NBDY: variants seen among roughly 807,000 people sequenced by gnomAD.
The protein encoded by NBDY is P-body dissociating protein.
intron 2 of NBDY, among the ~76,000 whole-genome samples, chrX:56,784,911 C>T (rs192742180): frequency 1.8e-5 from 2 of 112,578 alleles, no homozygotes; most frequent in African/African-American, 6.5e-5. Flanking sequence ...CTACCCATGC[C>T]GCTCAGTGCC....
chrX:56,784,390 T>C (rs184424939), intron 2 of NBDY, among the ~76,000 whole-genome samples: 2 of 111,753 alleles, frequency 1.8e-5, no homozygotes, highest in African/African-American at 6.5e-5. Context: ...TCTCTCTCTC[T>C]GGAGCCCAGG....
intron 2 of NBDY, among the ~76,000 whole-genome samples, chrX:56,767,323 T>A (rs1289493962): frequency 8.8e-6 from 1 of 113,170 alleles, no homozygotes; most frequent in African/African-American, 3.2e-5. Context: ...GAGGTGAAAG[T>A]CTGATGGCAG....
intron 2 of NBDY, among the ~76,000 whole-genome samples, chrX:56,762,800 T>C (rs1054401116): frequency 2.7e-5 from 3 of 110,268 alleles, no homozygotes; most frequent in African/African-American, 9.9e-5. Flanking sequence ...CCACAAACCA[T>C]AGACACAGAT....
chrX:56,754,301 G>A (rs765807816), intron 2 of NBDY, among the ~76,000 whole-genome samples: 4 of 111,645 alleles, frequency 3.6e-5, no homozygotes, highest in South Asian at 3.8e-4. Context: ...TCAATAAAGC[G>A]ATAGTGAACT....
At chrX:56,811,918 C>T (rs749392838) in intron 2 of NBDY, among the ~76,000 whole-genome samples, 13 of 111,975 alleles carry the variant, frequency 1.2e-4, no homozygotes, top group African/African-American at 2.0e-4. Flanking sequence ...TCCTGGTCTG[C>T]GGGTTGTGAA....
At chrX:56,730,419 G>A (rs1489049430) in intron 1 of NBDY, among the ~76,000 whole-genome samples, 5 of 99,225 alleles carry the variant, frequency 5.0e-5, no homozygotes, top group Non-Finnish European at 6.0e-5. Context: ...GCTAAGGCAG[G>A]ACAATCATTT....
chrX:56,805,083 T>C (rs1862039155), intron 2 of NBDY, among the ~76,000 whole-genome samples: 1 of 112,074 alleles, frequency 8.9e-6, no homozygotes. Flanking sequence ...GTCAGTTTCA[T>C]GCATGGGCTT....
intron 2 of NBDY, among the ~76,000 whole-genome samples, chrX:56,761,927 G>C (rs767460650): frequency 2.7e-5 from 3 of 111,869 alleles, no homozygotes; most frequent in Admixed American, 1.9e-4. Flanking sequence ...ACCCTTCATT[G>C]GCCTTGTAGA....
intron 2 of NBDY, among the ~76,000 whole-genome samples, chrX:56,764,054 A>G (rs1341936909): frequency 9.0e-6 from 1 of 111,162 alleles, no homozygotes; most frequent in African/African-American, 3.3e-5. Flanking sequence ...CAAGAGAGGA[A>G]CTCCAAGCTG....
intron 2 of NBDY, among the ~76,000 whole-genome samples, chrX:56,759,780 GCT>G (rs1259211025): frequency 8.9e-6 from 1 of 111,862 alleles, no homozygotes; most frequent in Non-Finnish European, 1.9e-5. Context: ...TGGCTCCACA[GCT>G]CTCTCTGAAA....
intron 2 of NBDY, among the ~76,000 whole-genome samples, chrX:56,763,480 G>A (rs1306430610): frequency 8.9e-6 from 1 of 112,411 alleles, no homozygotes; most frequent in East Asian, 2.8e-4. Flanking sequence ...GCCCAAGGCG[G>A]TAAACTCTAC....
At chrX:56,750,731 G>A (rs1308711496) in intron 2 of NBDY, among the ~76,000 whole-genome samples, 2 of 111,415 alleles carry the variant, frequency 1.8e-5, no homozygotes, top group African/African-American at 6.5e-5. Context: ...TTTTTAATCT[G>A]TCACCAAGTC....
At chrX:56,816,442 C>A (rs1391167559) in intron 2 of NBDY, among the ~76,000 whole-genome samples, 2 of 110,900 alleles carry the variant, frequency 1.8e-5, no homozygotes, top group African/African-American at 6.5e-5. Flanking sequence ...GGAAATAATT[C>A]TACATATCAA....
chrX:56,808,348 G>A (rs908917595), intron 2 of NBDY, among the ~76,000 whole-genome samples: 8 of 111,769 alleles, frequency 7.2e-5, no homozygotes, highest in African/African-American at 2.6e-4. Flanking sequence ...GCTCCTCTTT[G>A]TACCTCTGGT....
intron 1 of NBDY, among the ~76,000 whole-genome samples, chrX:56,731,143 A>G (rs1440331484): frequency 2.7e-5 from 3 of 111,041 alleles, no homozygotes; most frequent in Admixed American, 1.9e-4. Context: ...ATAGAAATCT[A>G]TTTTACTTGA....
intron 2 of NBDY, among the ~76,000 whole-genome samples, chrX:56,767,641 C>A: frequency 8.8e-6 from 1 of 113,567 alleles, no homozygotes; most frequent in East Asian, 2.8e-4. Context: ...ACTGGGCCAG[C>A]AGCTACTGTG....
intron 2 of NBDY, among the ~76,000 whole-genome samples, chrX:56,735,464 C>G (rs2069483012): frequency 8.9e-6 from 1 of 112,023 alleles, no homozygotes; most frequent in Non-Finnish European, 1.9e-5. Flanking sequence ...TGTTATACCT[C>G]AATCTTGGTC....
chrX:56,789,172 G>C (rs1328011195), intron 2 of NBDY, among the ~76,000 whole-genome samples: 4 of 112,893 alleles, frequency 3.5e-5, no homozygotes, highest in Non-Finnish European at 7.5e-5. Context: ...ACTGGCCAAG[G>C]ATCACCCACC....
intron 2 of NBDY, among the ~76,000 whole-genome samples, chrX:56,733,336 T>C (rs1287994621): frequency 9.0e-6 from 1 of 111,301 alleles, no homozygotes; most frequent in Non-Finnish European, 1.9e-5. Flanking sequence ...CTATAGACTT[T>C]ATTAGATGTT....
Sources: allele counts gnomAD v4.1 joint callset (sites outside exome capture counted in the v4.1 genomes callset), GRCh38; gene constraint gnomAD v4.1.1; transcripts MANE v1.5; gene names NCBI Gene and HGNC (gene_info 2026-07-23, HGNC 2026-07-21).